The following PSPC1 variants were observed in gnomAD, a reference collection of about 807,000 sequenced individuals.
The protein encoded by PSPC1 is paraspeckle component 1.
Under a neutral mutation model 51.6 loss-of-function variants are expected in PSPC1, and 14 were observed. The observed-to-expected ratio is 0.27, with a 90% confidence interval of 0.18 to 0.42. The LOEUF is 0.42. Among genes scored for constraint, PSPC1 ranks in the 10% least tolerant of loss-of-function variants. The probability of loss-of-function intolerance (pLI) is 1.00; values close to 1 mark genes in which losing one functional copy is unlikely to be tolerated. For synonymous variants in PSPC1, 193 were observed against 231.9 expected (o/e 0.83, Z 1.53); for missense variants, 406 against 701.1 (o/e 0.58, Z 4.75).
intron 5 of PSPC1, among the ~76,000 whole-genome samples, chr13:19,733,880 T>C (rs1884445614): frequency 6.6e-6 from 1 of 151,590 alleles, no homozygotes; most frequent in Admixed American, 6.6e-5. Flanking sequence ...TTGAACCCCA[T>C]AAGGTGAGAC....
At chr13:19,751,592 G>A (rs980589380) in intron 3 of PSPC1, 125 bp from the exon 4 acceptor site, 18 of 541,226 alleles carry the variant, frequency 3.3e-5, no homozygotes, top group East Asian at 6.7e-5. Flanking sequence ...GAATTACCTC[G>A]TGACAATATT....
intron 2 of PSPC1, among the ~76,000 whole-genome samples, chr13:19,768,688 T>C (rs1299458647): frequency 1.3e-5 from 2 of 150,430 alleles, no homozygotes; most frequent in Non-Finnish European, 3.0e-5. Context: ...GGGGGACATC[T>C]AAAAAAATGG....
chr13:19,752,586 A>ATT lies in PSPC1; in HGVS notation c.771-1121_771-1120dup, dbSNP rs1444018151. On this transcript the variant is annotated intron_variant, in intron 3 of 8. Transcript: ENST00000338910. ...CAATTTTTTTTTCACTTTTTTATTT[A>ATT]TTTATTTATTTATTTTTGAGACACA... is the stretch of plus-strand genomic sequence containing the variant. Among the ~76,000 whole-genome samples the ATT allele has an allele frequency of 2.6e-4, 39 of 150,408 alleles. 1 individual carries two copies. Among genetic ancestry groups the ATT allele is most frequent in the African/African-American group, 8.8e-4 (36 of 40,936 alleles).
chr13:19,684,986 ATC>A (rs1218092990), intron 6 of PSPC1, among the ~76,000 whole-genome samples: 7 of 152,270 alleles, frequency 4.6e-5, no homozygotes, highest in Non-Finnish European at 7.3e-5. Flanking sequence ...TTTAAAAGAT[ATC>A]TGTCACATTT....
chr13:19,772,692 G>A, intron 1 of PSPC1, 149 bp from the exon 2 acceptor site: 1 of 679,122 alleles, frequency 1.5e-6, no homozygotes, highest in Non-Finnish European at 2.4e-6. Flanking sequence ...GTATCACATG[G>A]TTTTTAACTA....
rs1157562942 is a variant in PSPC1 at position 19,705,958 on chromosome 13, G to A, written c.1217-127C>T. The A allele has an allele frequency of 5.6e-6, 4 of 713,794 alleles. No individual in the cohort carries two copies. In the East Asian group the frequency reaches 8.9e-5, roughly 16 times the overall value. The allele number at this position is 713,794 out of a possible 1,614,324, so 44.2% of individuals were successfully genotyped here. A position where few individuals can be genotyped will look rare whatever the true frequency, so the allele number is the denominator to read the frequency against. On this transcript the variant is annotated intron_variant, in intron 7 of 8. Coordinates refer to ENST00000338910, the MANE Select transcript of PSPC1 (RefSeq NM_001354909.2). ...AATTATTTTCGCTCCTTAAGAATGC[G>A]ATATGCGTTATCTACTCTGTAATAG...
chr13:19,708,495 G>C (rs187485772), intron 7 of PSPC1, among the ~76,000 whole-genome samples: 2 of 152,148 alleles, frequency 1.3e-5, no homozygotes, highest in East Asian at 3.9e-4. Context: ...TTCAAATTTA[G>C]TAAGGCCTAC....
At chr13:19,706,138 C>A (rs1232793865) in intron 7 of PSPC1, among the ~76,000 whole-genome samples, 1 of 152,018 alleles carries the variant, frequency 6.6e-6, no homozygotes, top group Non-Finnish European at 1.5e-5. Flanking sequence ...GCTTTTAAAC[C>A]AAAGAATCCC....
intron 1 of PSPC1, among the ~76,000 whole-genome samples, chr13:19,773,071 G>A (rs1280100192): frequency 6.6e-6 from 1 of 151,920 alleles, no homozygotes; most frequent in African/African-American, 2.4e-5. Flanking sequence ...TTAGGCAAGA[G>A]ATCTCTTGAA....
chr13:19,779,215 C>A, intron 1 of PSPC1, among the ~76,000 whole-genome samples: 1 of 87,688 alleles, frequency 1.1e-5, no homozygotes. Flanking sequence ...CTCCGCCCGG[C>A]AGCCACCCCA....
At chr13:19,691,669 A>G (rs1476996555) in intron 6 of PSPC1, among the ~76,000 whole-genome samples, 1 of 152,210 alleles carries the variant, frequency 6.6e-6, no homozygotes, top group Non-Finnish European at 1.5e-5. Context: ...CTGTAATCCT[A>G]GCACTTTGGG....
At chr13:19,769,483 G>A (rs1888410141) in intron 2 of PSPC1, among the ~76,000 whole-genome samples, 1 of 152,168 alleles carries the variant, frequency 6.6e-6, no homozygotes, top group African/African-American at 2.4e-5. Context: ...AACCCAGGAG[G>A]CGGAGCTTGA....
At chr13:19,689,092 G>A (rs1451131358) in intron 6 of PSPC1, among the ~76,000 whole-genome samples, 2 of 152,238 alleles carry the variant, frequency 1.3e-5, no homozygotes, top group South Asian at 4.1e-4. Context: ...ATAGTCAACT[G>A]TCGACATGAG....
chr13:19,673,783 G>A (rs367684552), downstream of PSPC1, among the ~76,000 whole-genome samples: 186 of 152,242 alleles, frequency 1.2e-3, no homozygotes, highest in Middle Eastern at 3.4e-3. Context: ...ATTATCCGGG[G>A]GAAAAAGCCT....
chr13:19,734,468 CAGA>C (rs968356197), intron 5 of PSPC1, among the ~76,000 whole-genome samples: 28 of 152,308 alleles, frequency 1.8e-4, no homozygotes, highest in Non-Finnish European at 2.2e-4. Context: ...GAGCCCAAGA[CAGA>C]AGAAGGGCTT....
At chr13:19,749,777 G>C (rs1458946639) in intron 4 of PSPC1, among the ~76,000 whole-genome samples, 1 of 151,624 alleles carries the variant, frequency 6.6e-6, no homozygotes, top group African/African-American at 2.4e-5. Context: ...GATTACAGGC[G>C]CCCGCCACCA....
chr13:19,672,047 A>C, downstream of PSPC1: 1 of 642,286 alleles, frequency 1.6e-6, no homozygotes, highest in Non-Finnish European at 2.7e-6. Context: ...TGTCTGTGCC[A>C]GTATGCCGGA....
chr13:19,759,766 GC>G (rs1163843067), intron 2 of PSPC1, among the ~76,000 whole-genome samples: 7 of 151,654 alleles, frequency 4.6e-5, no homozygotes, highest in African/African-American at 1.7e-4. Context: ...GGACGCTGAG[GC>G]AGGAGAACTG....
intron 3 of PSPC1, among the ~76,000 whole-genome samples, chr13:19,757,915 G>A (rs1887241442): frequency 2.0e-5 from 3 of 152,176 alleles, no homozygotes; most frequent in South Asian, 2.1e-4. Flanking sequence ...ATGGGACTGT[G>A]AGGCCATACT....
Sources: gnomAD v4.1 joint callset for allele counts (sites outside exome capture counted in the v4.1 genomes callset) on GRCh38, gnomAD v4.1.1 for gene constraint, MANE v1.5 for transcripts, NCBI Gene and HGNC (gene_info 2026-07-23, HGNC 2026-07-21) for gene names.